NRXN3: variants seen among roughly 807,000 people sequenced by gnomAD.
NRXN3 encodes neurexin 3.
A neutral mutation model predicts 137.6 loss-of-function variants in NRXN3; 32 were observed. That is an observed-to-expected ratio of 0.23 (90% CI 0.18 to 0.31). The LOEUF (loss-of-function observed/expected upper bound fraction) is 0.31, where lower values mean the gene tolerates loss of function less well. Ranked by LOEUF, NRXN3 falls within the 10% of genes least tolerant of loss-of-function variation. The pLI is 1.00. For missense variants in NRXN3, 1,574 were observed against 2,062.5 expected (o/e 0.76, Z 4.59); for synonymous variants, 798 against 784.5 (o/e 1.02, Z -0.29).
At chr14:78,261,562 A>C (rs1469180567) in intron 2 of NRXN3, among the ~76,000 whole-genome samples, 1 of 152,166 alleles carries the variant, frequency 6.6e-6, no homozygotes, top group Non-Finnish European at 1.5e-5. Flanking sequence ...ATTTAGTGAA[A>C]ATCTTTTACT....
chr14:79,593,984 G>T (rs1003526217), intron 16 of NRXN3, among the ~76,000 whole-genome samples: 6 of 151,998 alleles, frequency 3.9e-5, no homozygotes, highest in African/African-American at 7.3e-5. Context: ...CCCTCATAAG[G>T]TGCTATGTAT....
chr14:79,847,493 G>A (rs1411798669), intron 20 of NRXN3, among the ~76,000 whole-genome samples: 1 of 152,044 alleles, frequency 6.6e-6, no homozygotes, highest in African/African-American at 2.4e-5. Flanking sequence ...CAAGTCACTT[G>A]TCCCCCATGC....
At chr14:78,256,960 C>T (rs548242561) in intron 2 of NRXN3, among the ~76,000 whole-genome samples, 1 of 152,274 alleles carries the variant, frequency 6.6e-6, no homozygotes, top group South Asian at 2.1e-4. Flanking sequence ...TCAGGTGATA[C>T]CTAAGGCATT....
chr14:79,372,658 T>G (rs771820239), intron 15 of NRXN3, among the ~76,000 whole-genome samples: 1 of 152,110 alleles, frequency 6.6e-6, no homozygotes, highest in Non-Finnish European at 1.5e-5. Flanking sequence ...ATGCTGGCTT[T>G]GATGCTTTTG....
intron 15 of NRXN3, among the ~76,000 whole-genome samples, chr14:79,385,207 C>CG (rs911598578): frequency 3.1e-5 from 3 of 95,824 alleles, no homozygotes; most frequent in East Asian, 2.4e-4. Flanking sequence ...CTATCCTTCC[C>CG]CCCGCCCCCA....
intron 4 of NRXN3, among the ~76,000 whole-genome samples, chr14:78,301,400 A>T (rs1191349062): frequency 6.6e-6 from 1 of 152,106 alleles, no homozygotes; most frequent in Non-Finnish European, 1.5e-5. Context: ...GAGTGTGCAA[A>T]CTTGCGCCAA....
chr14:78,921,891 A>G (rs1392059454), intron 10 of NRXN3, among the ~76,000 whole-genome samples: 1 of 152,228 alleles, frequency 6.6e-6, no homozygotes, highest in Non-Finnish European at 1.5e-5. Flanking sequence ...AGTTTCTTGC[A>G]GAAATCTTAA....
chr14:78,339,828 T>C (rs2081954475), intron 4 of NRXN3, among the ~76,000 whole-genome samples: 1 of 152,154 alleles, frequency 6.6e-6, no homozygotes, highest in Non-Finnish European at 1.5e-5. Flanking sequence ...GAAAAGTAGA[T>C]GAGGAGCACT....
At chr14:78,179,824 G>GTTTTTTTTTTTTTT (rs1566912649) in intron 1 of NRXN3, among the ~76,000 whole-genome samples, 2 of 12,622 alleles carry the variant, frequency 1.6e-4, no homozygotes, top group Admixed American at 1.0e-3. Context: ...TTTTTTTTTT[G>GTTTTTTTTTTTTTT]TTTGTTTCTG....
chr14:78,276,715 A>C (rs1156641593), intron 2 of NRXN3, among the ~76,000 whole-genome samples: 1 of 152,200 alleles, frequency 6.6e-6, no homozygotes, highest in Non-Finnish European at 1.5e-5. Flanking sequence ...CCAAATGGGC[A>C]AGTAACCAGT....
At chr14:79,318,653 C>G (rs114912394) in intron 15 of NRXN3, among the ~76,000 whole-genome samples, 1 of 152,076 alleles carries the variant, frequency 6.6e-6, no homozygotes, top group Non-Finnish European at 1.5e-5. Context: ...TGTTCCTTTA[C>G]GTGAGTCCAG....
intron 15 of NRXN3, among the ~76,000 whole-genome samples, chr14:79,243,496 G>A (rs774755529): frequency 5.9e-5 from 9 of 152,238 alleles, no homozygotes; most frequent in East Asian, 1.9e-4. Context: ...AATCCTATGC[G>A]TAAAACAATC....
At chr14:78,657,102 A>G (rs1380130504) in intron 6 of NRXN3, among the ~76,000 whole-genome samples, 4 of 150,354 alleles carry the variant, frequency 2.7e-5, no homozygotes, top group South Asian at 4.2e-4. Context: ...GAGCTTCGGC[A>G]TTAGATTGGC....
At chr14:78,848,184 C>T (rs944748281) in intron 10 of NRXN3, among the ~76,000 whole-genome samples, 43 of 152,038 alleles carry the variant, frequency 2.8e-4, no homozygotes, top group Non-Finnish European at 5.4e-4. Flanking sequence ...CACCCACCAG[C>T]GCAGTACTGC....
intron 2 of NRXN3, among the ~76,000 whole-genome samples, chr14:78,256,244 A>G (rs911153237): frequency 2.7e-4 from 41 of 152,190 alleles, no homozygotes; most frequent in Non-Finnish European, 2.5e-4. Flanking sequence ...CCTGGGGAAG[A>G]TGGAGCTCAC....
chr14:79,105,958 C>T (rs971874457), intron 15 of NRXN3, among the ~76,000 whole-genome samples: 3 of 151,996 alleles, frequency 2.0e-5, no homozygotes, highest in African/African-American at 7.2e-5. Context: ...TTTTCCTAAC[C>T]TACTAGTGTT....
intron 10 of NRXN3, among the ~76,000 whole-genome samples, chr14:78,866,606 A>C (rs2099087311): frequency 6.6e-6 from 1 of 152,104 alleles, no homozygotes; most frequent in Admixed American, 6.6e-5. Flanking sequence ...GCTCATAAAA[A>C]ATTCTTCATA....
chr14:78,816,149 A>C (rs1216310955), intron 10 of NRXN3, among the ~76,000 whole-genome samples: 1 of 152,184 alleles, frequency 6.6e-6, no homozygotes, highest in Non-Finnish European at 1.5e-5. Flanking sequence ...CTTCCTAAAT[A>C]TATAATATTA....
intron 4 of NRXN3, among the ~76,000 whole-genome samples, chr14:78,379,041 GA>G (rs56244423): frequency 1 from 150,012 of 150,616 alleles, 74,710 homozygotes; most frequent in Middle Eastern, 1. Context: ...ATCACATTCT[GA>G]AAAAAAAAAA....
Sources: allele counts gnomAD v4.1 joint callset (sites outside exome capture counted in the v4.1 genomes callset), GRCh38; gene constraint gnomAD v4.1.1; transcripts MANE v1.5; gene names NCBI Gene and HGNC (gene_info 2026-07-23, HGNC 2026-07-21).